The following CSMD1 variants were observed in gnomAD, a reference collection of about 807,000 sequenced individuals.
CSMD1 encodes CUB and Sushi multiple domains 1, also known as CUB and sushi domain-containing protein 1.
A neutral mutation model predicts 417.5 loss-of-function variants in CSMD1; 213 were observed. That is an observed-to-expected ratio of 0.51 (90% CI 0.46 to 0.57). The LOEUF (loss-of-function observed/expected upper bound fraction) is 0.57. Among genes scored for constraint, CSMD1 ranks in the 20% least tolerant of loss-of-function variants. CSMD1 has a pLI of 0.00. For missense variants in CSMD1, 6,923 were observed against 4,529.7 expected (o/e 1.53, Z -15.17); for synonymous variants, 2,862 against 1,736.8 (o/e 1.65, Z -16.11).
intron 17 of CSMD1, among the ~76,000 whole-genome samples, chr8:3,388,728 C>G (rs895357262): frequency 6.6e-6 from 1 of 152,172 alleles, no homozygotes; most frequent in African/African-American, 2.4e-5. Flanking sequence ...CCCTAAACAA[C>G]AGAATGTAAC....
chr8:2,953,300 T>C (rs79642200), intron 65 of CSMD1, among the ~76,000 whole-genome samples: 5,610 of 152,248 alleles, frequency 0.037, 333 homozygotes, highest in African/African-American at 0.13. Flanking sequence ...TTTCATCATA[T>C]TGGCACATTT....
chr8:3,912,825 T>A (rs1427698319), intron 5 of CSMD1, among the ~76,000 whole-genome samples: 1 of 152,158 alleles, frequency 6.6e-6, no homozygotes, highest in Non-Finnish European at 1.5e-5. Flanking sequence ...ATTTTATGAT[T>A]TAAATTATAT....
chr8:3,654,595 G>T (rs1205159525), intron 7 of CSMD1, among the ~76,000 whole-genome samples: 1 of 152,174 alleles, frequency 6.6e-6, no homozygotes, highest in Admixed American at 6.5e-5. Context: ...CATACTCAAA[G>T]ACCTCCCATA....
intron 23 of CSMD1, among the ~76,000 whole-genome samples, chr8:3,333,704 C>T (rs924985212): frequency 2.6e-5 from 4 of 152,106 alleles, no homozygotes; most frequent in African/African-American, 9.7e-5. Context: ...TATACTTTCC[C>T]CTGGTTCTTA....
chr8:3,534,662 C>T (rs1273922575), intron 10 of CSMD1, among the ~76,000 whole-genome samples: 1 of 152,106 alleles, frequency 6.6e-6, no homozygotes, highest in Non-Finnish European at 1.5e-5. Context: ...CATAGCCAAA[C>T]AATTTTAGAA....
At chr8:4,672,121 C>A (rs374751850) in intron 1 of CSMD1, among the ~76,000 whole-genome samples, 112 of 152,302 alleles carry the variant, frequency 7.4e-4, no homozygotes, top group African/African-American at 2.5e-3. Flanking sequence ...GGTCACTGAT[C>A]TTCCCATTGC....
At chr8:4,784,918 T>C (rs1282361960) in intron 1 of CSMD1, among the ~76,000 whole-genome samples, 1 of 152,104 alleles carries the variant, frequency 6.6e-6, no homozygotes, top group Non-Finnish European at 1.5e-5. Flanking sequence ...GCATTGAAAG[T>C]TTATGTTTGT....
At chr8:4,566,566 T>C (rs1262836213) in intron 2 of CSMD1, among the ~76,000 whole-genome samples, 1 of 135,030 alleles carries the variant, frequency 7.4e-6, no homozygotes, top group African/African-American at 2.8e-5. Context: ...GGCAGGAGAG[T>C]GGCGTGAACC....
intron 1 of CSMD1, among the ~76,000 whole-genome samples, chr8:4,844,508 T>C (rs887815860): frequency 6.6e-6 from 1 of 152,116 alleles, no homozygotes; most frequent in Non-Finnish European, 1.5e-5. Context: ...CTTGGCCGCG[T>C]CAAGGTCAGG....
chr8:4,091,609 G>C (rs893347658), intron 3 of CSMD1, among the ~76,000 whole-genome samples: 1 of 152,120 alleles, frequency 6.6e-6, no homozygotes, highest in Non-Finnish European at 1.5e-5. Context: ...ACCTCACATA[G>C]AGTAGCAAGA....
At chr8:3,623,150 A>G (rs1357404150) in intron 7 of CSMD1, among the ~76,000 whole-genome samples, 1 of 152,216 alleles carries the variant, frequency 6.6e-6, no homozygotes, top group African/African-American at 2.4e-5. Flanking sequence ...ACAGTTTGTA[A>G]AAGAGTTTAA....
At chr8:4,085,521 C>G (rs760540818) in intron 3 of CSMD1, among the ~76,000 whole-genome samples, 10 of 152,080 alleles carry the variant, frequency 6.6e-5, no homozygotes, top group Non-Finnish European at 2.9e-5. Context: ...TAAATTTTAT[C>G]CTATCCGTTC....
chr8:4,022,515 G>C (rs192602033), intron 4 of CSMD1, among the ~76,000 whole-genome samples: 1 of 152,174 alleles, frequency 6.6e-6, no homozygotes, highest in African/African-American at 2.4e-5. Context: ...TTGGTAGAAA[G>C]CATTTGAGGT....
intron 2 of CSMD1, among the ~76,000 whole-genome samples, chr8:4,622,325 G>A (rs1469444803): frequency 6.6e-6 from 1 of 152,064 alleles, no homozygotes; most frequent in South Asian, 2.1e-4. Context: ...CCACCGGGCA[G>A]CAAAAATGCA....
chr8:3,416,521 G>A (rs550919401), intron 12 of CSMD1, among the ~76,000 whole-genome samples: 61 of 152,228 alleles, frequency 4.0e-4, no homozygotes, highest in Non-Finnish European at 7.2e-4. Flanking sequence ...AAAGAGCTAA[G>A]AAGGCAGAAA....
At chr8:3,862,619 T>G (rs1405748393) in intron 5 of CSMD1, among the ~76,000 whole-genome samples, 1 of 152,222 alleles carries the variant, frequency 6.6e-6, no homozygotes, top group Non-Finnish European at 1.5e-5. Flanking sequence ...ATACTATATT[T>G]CTCTATTTGC....
Position 3,406,111 on chromosome 8 carries a change from C to A in CSMD1, c.2182G>T (p.Val728Phe), listed in dbSNP as rs761389156. 17 of 1,613,772 alleles carry A rather than the reference C, an allele frequency of 1.1e-5. No homozygotes were observed. The highest frequency in any genetic ancestry group is 1.3e-5 in the Non-Finnish European group (15 of 1,179,890). ...ATGGACTCGGATCCCTGGGTCTTGACAAAGCCATCATCACAGTGGAAAGAA... is the reference window on the plus strand; with the variant it reads ...ATGGACTCGGATCCCTGGGTCTTGAAAAAGCCATCATCACAGTGGAAAGAA... ...SVSFHCDDGFVKTQGSESITC... is the reference protein window; with the variant it reads ...SVSFHCDDGFFKTQGSESITC... The change falls in exon 15 of 70, where the codon GTC (valine) becomes TTC (phenylalanine). Residue 728 changes from valine to phenylalanine, a missense_variant. Val to Phe is a conservative substitution (Grantham distance 50). Coordinates refer to ENST00000635120, the MANE Select transcript of CSMD1 (RefSeq NM_033225.6).
chr8:3,382,135 T>C (rs1280030469), intron 18 of CSMD1, among the ~76,000 whole-genome samples: 1 of 151,900 alleles, frequency 6.6e-6, no homozygotes, highest in African/African-American at 2.4e-5. Context: ...GGTGGGAGCC[T>C]GTAATCCCGG....
intron 3 of CSMD1, among the ~76,000 whole-genome samples, chr8:4,280,371 G>C (rs938229636): frequency 6.6e-6 from 1 of 152,160 alleles, no homozygotes; most frequent in Non-Finnish European, 1.5e-5. Flanking sequence ...TAATTGAATA[G>C]ACACGACATG....
Sources: gnomAD v4.1 joint callset for allele counts (sites outside exome capture counted in the v4.1 genomes callset) on GRCh38, gnomAD v4.1.1 for gene constraint, MANE v1.5 for transcripts, NCBI Gene and HGNC (gene_info 2026-07-23, HGNC 2026-07-21) for gene names.